The following SAXO1 variants were observed in gnomAD, a reference collection of about 807,000 sequenced individuals.
The protein encoded by SAXO1 is stabilizer of axonemal microtubules 1.
Under a neutral mutation model 17.5 loss-of-function variants are expected in SAXO1, and 21 were observed. That is an observed-to-expected ratio of 1.20 (90% confidence interval 0.85 to 1.72). The LOEUF is 1.72. SAXO1 is among the 40% of genes most tolerant of loss of function. SAXO1 has a pLI of 0.00. For missense variants in SAXO1, 843 were observed against 596.0 expected (o/e 1.41, Z -4.32); for synonymous variants, 274 against 216.5 (o/e 1.27, Z -2.33).
intron 1 of SAXO1, among the ~76,000 whole-genome samples, chr9:19,000,053 A>G (rs1217874212): frequency 3.7e-5 from 4 of 108,472 alleles, no homozygotes; most frequent in Admixed American, 9.1e-5. Flanking sequence ...CCCAGCCGCC[A>G]CAACATCTGG....
intron 2 of SAXO1, among the ~76,000 whole-genome samples, chr9:18,942,193 C>A (rs544842738): frequency 6.6e-6 from 1 of 152,326 alleles, no homozygotes; most frequent in South Asian, 2.1e-4. Context: ...ATTCCTACCA[C>A]TTCTATTCAA....
At chr9:19,041,895 T>G (rs2131071599) in intron 1 of SAXO1, among the ~76,000 whole-genome samples, 1 of 152,250 alleles carries the variant, frequency 6.6e-6, no homozygotes, top group South Asian at 2.1e-4. Flanking sequence ...AAAAACTTCT[T>G]GAGTAATACC....
chr9:19,009,969 G>A (rs995022313), intron 1 of SAXO1, among the ~76,000 whole-genome samples: 2 of 151,940 alleles, frequency 1.3e-5, no homozygotes, highest in African/African-American at 4.8e-5. Flanking sequence ...AGGAACTACA[G>A]GTGCATACCA....
Position 19,044,401 on chromosome 9 carries a change from G to C in SAXO1, c.-158+4808C>G, listed in dbSNP as rs535951287. Among the ~76,000 whole-genome samples the C allele has an allele frequency of 9.2e-5, 14 of 152,234 alleles. No individual in the cohort carries two copies. The East Asian group carries it at 2.7e-3, about 29-fold the overall frequency. On this transcript the variant is annotated intron_variant, in intron 1 of 3. Transcript: ENST00000542071. ...AGATTAAGATCTCTCCTATTTCCAAGAAAGCTGGCAGATTGAACACACGCA... is the reference window on the plus strand; with the variant it reads ...AGATTAAGATCTCTCCTATTTCCAACAAAGCTGGCAGATTGAACACACGCA...
chr9:18,983,600 A>G (rs62560397), intron 1 of SAXO1, among the ~76,000 whole-genome samples: 4,438 of 152,296 alleles, frequency 0.029, 95 homozygotes, highest in Middle Eastern at 0.071. Context: ...CTCCTCATGC[A>G]TTTAAGTTTT....
intron 1 of SAXO1, among the ~76,000 whole-genome samples, chr9:19,041,638 T>C (rs910995185): frequency 1.3e-5 from 2 of 151,938 alleles, no homozygotes; most frequent in Non-Finnish European, 2.9e-5. Flanking sequence ...CAGAAACAAA[T>C]CTATACATCA....
At chr9:19,009,390 G>T (rs898074896) in intron 1 of SAXO1, among the ~76,000 whole-genome samples, 2 of 152,060 alleles carry the variant, frequency 1.3e-5, no homozygotes, top group African/African-American at 2.4e-5. Flanking sequence ...TGTGATTGCA[G>T]CTCCAGTTGA....
chr9:19,015,550 G>A (rs1042830702), intron 1 of SAXO1, among the ~76,000 whole-genome samples: 2 of 151,850 alleles, frequency 1.3e-5, no homozygotes, highest in Admixed American at 6.6e-5. Context: ...CACCACGTTG[G>A]CCAAGCTGGT....
chr9:19,018,175 A>G (rs1173952644), intron 1 of SAXO1, among the ~76,000 whole-genome samples: 1 of 152,118 alleles, frequency 6.6e-6, no homozygotes, highest in Non-Finnish European at 1.5e-5. Context: ...CTCAAAAAAA[A>G]AAAAACAAAC....
chr9:19,019,940 C>T (rs1835154466), intron 1 of SAXO1, among the ~76,000 whole-genome samples: 1 of 151,910 alleles, frequency 6.6e-6, no homozygotes, highest in Admixed American at 6.6e-5. Context: ...CATCTATCTC[C>T]TGCTGTTGTC....
intron 1 of SAXO1, 37 bp from the exon 2 acceptor site, chr9:18,950,974 G>T: frequency 3.8e-6 from 6 of 1,578,478 alleles, no homozygotes; most frequent in Non-Finnish European, 5.2e-6. Flanking sequence ...TTACCTTCTT[G>T]GGAGAAAAAA....
At chr9:18,930,154 G>T (rs906079796) in intron 3 of SAXO1, among the ~76,000 whole-genome samples, 1 of 152,042 alleles carries the variant, frequency 6.6e-6, no homozygotes, top group Non-Finnish European at 1.5e-5. Context: ...ATGGAGTAAA[G>T]GTTAAAGAAA....
chr9:18,999,447 G>C (rs975885854), intron 1 of SAXO1, among the ~76,000 whole-genome samples: 119 of 151,572 alleles, frequency 7.9e-4, no homozygotes, highest in Non-Finnish European at 1.5e-3. Context: ...GCCTCCACCC[G>C]GCTGCCCCAC....
intron 1 of SAXO1, among the ~76,000 whole-genome samples, chr9:18,959,172 G>T (rs542251859): frequency 5.8e-4 from 88 of 152,302 alleles, no homozygotes; most frequent in South Asian, 2.5e-3. Context: ...GGTGAAAGCA[G>T]CAAGAAATTA....
intron 1 of SAXO1, among the ~76,000 whole-genome samples, chr9:18,995,744 C>T (rs1833973529): frequency 6.6e-6 from 1 of 152,112 alleles, no homozygotes; most frequent in African/African-American, 2.4e-5. Context: ...AAAATAAAAA[C>T]ACAATATAGA....
chr9:18,939,157 C>G (rs550381308), intron 3 of SAXO1, among the ~76,000 whole-genome samples: 2 of 152,296 alleles, frequency 1.3e-5, no homozygotes, highest in African/African-American at 4.8e-5. Context: ...CCCTTATTCC[C>G]TCCACCCATC....
At chr9:19,003,150 C>G (rs1834348203) in intron 1 of SAXO1, among the ~76,000 whole-genome samples, 1 of 152,122 alleles carries the variant, frequency 6.6e-6, no homozygotes, top group Non-Finnish European at 1.5e-5. Flanking sequence ...ACTATTACTA[C>G]AAAGAGAATA....
At position 18,941,843 on chromosome 9, in the gene SAXO1, T is replaced by C. The variant is rs1345334004; in HGVS notation, c.219-4A>G. On this transcript the variant is annotated splice_region_variant and splice_polypyrimidine_tract_variant and intron_variant, in intron 2 of 3. Transcript: ENST00000380534. ...TTTGTGAGGCCCAAAATCTCTCCTG[T>C]AAGGAAGCAAGTGCATGCTGTTGGG... 3 of 1,614,180 alleles carry C rather than the reference T, an allele frequency of 1.9e-6. No homozygotes were observed. The South Asian group carries it at 3.3e-5, about 18-fold the overall frequency.
intron 3 of SAXO1, among the ~76,000 whole-genome samples, chr9:18,931,558 C>G (rs368010512): frequency 8.5e-5 from 13 of 152,284 alleles, no homozygotes; most frequent in African/African-American, 3.1e-4. Context: ...ATAGAAAAAT[C>G]TATCTTTAGC....
Sources: gnomAD v4.1 joint callset for allele counts (sites outside exome capture counted in the v4.1 genomes callset) on GRCh38, gnomAD v4.1.1 for gene constraint, MANE v1.5 for transcripts, NCBI Gene and HGNC (gene_info 2026-07-23, HGNC 2026-07-21) for gene names.